Variants in ASRGL1 observed in about 807,000 individuals in gnomAD.
ASRGL1 encodes the protein isoaspartyl peptidase/L-asparaginase.
Under a neutral mutation model 22.4 loss-of-function variants are expected in ASRGL1, and 16 were observed. That is an observed-to-expected ratio of 0.71 (90% CI 0.48 to 1.08). The LOEUF is 1.08. ASRGL1 is among the 50% of genes least tolerant of loss of function. The pLI, the probability that ASRGL1 is intolerant of heterozygous loss-of-function variation, is 0.00. For synonymous variants in ASRGL1, 165 were observed against 159.3 expected (o/e 1.04, Z -0.27); for missense variants, 412 against 410.1 (o/e 1.00, Z -0.04).
At chr11:62,354,153 A>G (rs1249132466) in intron 2 of ASRGL1, among the ~76,000 whole-genome samples, 6 of 152,226 alleles carry the variant, frequency 3.9e-5, no homozygotes, top group Non-Finnish European at 7.3e-5. Flanking sequence ...GTTCTTACCC[A>G]TTTTACACAT....
chr11:62,369,879 C>T lies in ASRGL1; in HGVS notation c.491+12735C>T, dbSNP rs562289784. 2.0e-5 allele frequency among the ~76,000 whole-genome samples: 3 copies of T among 152,272 alleles called. No individual in the cohort carries two copies. In the South Asian group the frequency reaches 6.2e-4, roughly 32 times the overall value. On this transcript the variant is annotated intron_variant, in intron 4 of 6. Transcript: ENST00000415229. ...GTAACTGGAAACGATGTTCTAAGCT[C>T]ATGAGCCTATCTTCCATCCAAATGA...
chr11:62,373,566 G>C (rs1230242498), intron 4 of ASRGL1, among the ~76,000 whole-genome samples: 1 of 152,048 alleles, frequency 6.6e-6, no homozygotes, highest in East Asian at 1.9e-4. Context: ...AAGAGGAATC[G>C]CCATTTACTC....
At chr11:62,400,090 C>G in the ASRGL1 span, among the ~76,000 whole-genome samples, 1 of 152,192 alleles carries the variant, frequency 6.6e-6, no homozygotes, top group Non-Finnish European at 1.5e-5. Context: ...CTGCCTGGAT[C>G]CAGTCTAAAC....
Position 62,368,722 on chromosome 11 carries a change from T to C in ASRGL1, c.491+11578T>C, listed in dbSNP as rs550255481. On this transcript the variant is annotated intron_variant, in intron 4 of 6. Transcript: ENST00000415229. ...GGGATGTGGCAGGACAATAGGGTAA[T>C]AGTGGGGAGAGGGTCAGCAGGAAAA... 3.6e-4 allele frequency among the ~76,000 whole-genome samples: 55 copies of C among 152,034 alleles called. 1 individual carries two copies. Among genetic ancestry groups the C allele is most frequent in the Middle Eastern group, 6.8e-3 (2 of 294 alleles).
intron 4 of ASRGL1, among the ~76,000 whole-genome samples, chr11:62,376,203 C>T (rs1946927088): frequency 6.8e-6 from 1 of 148,132 alleles, no homozygotes; most frequent in South Asian, 2.1e-4. Flanking sequence ...GCTAACTGTG[C>T]CAGCTTCTTT....
In ASRGL1 at chr11:62,350,017, C is replaced by CA. The variant is rs573732084; in HGVS notation, c.191-6307dup. On this transcript the variant is annotated intron_variant, in intron 2 of 6. Coordinates refer to ENST00000415229, the MANE Select transcript of ASRGL1 (RefSeq NM_001083926.2). ...GCTTCTTTACTGTAACCTGTTTTAT[C>CA]AGCAAGGTCTTTACGACCTGTATCT... Among the ~76,000 whole-genome samples, 46 of 152,278 alleles carry CA rather than the reference C, an allele frequency of 3.0e-4. 1 individual carries two copies. Among genetic ancestry groups the CA allele is most frequent in the Admixed American group, 3.0e-3 (46 of 15,290 alleles).
downstream of ASRGL1, among the ~76,000 whole-genome samples, chr11:62,397,992 G>A (rs187732994): frequency 2.6e-5 from 4 of 152,054 alleles, no homozygotes; most frequent in Admixed American, 1.3e-4. Context: ...CCTCGGCGTC[G>A]CATCTTCTGC....
chr11:62,352,613 G>A (rs1442443927), intron 2 of ASRGL1, among the ~76,000 whole-genome samples: 1 of 152,086 alleles, frequency 6.6e-6, no homozygotes, highest in Non-Finnish European at 1.5e-5. Context: ...GCCTCAGAAT[G>A]AAACCTACCC....
At chr11:62,362,703 TATAAAATATATTATATGTTATATATAAA>T in intron 4 of ASRGL1, among the ~76,000 whole-genome samples, 1 of 81,102 alleles carries the variant, frequency 1.2e-5, no homozygotes, top group African/African-American at 4.9e-5. Context: ...TTATATATTA[TATAAAATATATTATATGTTATATATAAA>T]ATATAATATA....
At chr11:62,384,460 C>T (rs1435711309) in intron 4 of ASRGL1, among the ~76,000 whole-genome samples, 1 of 151,854 alleles carries the variant, frequency 6.6e-6, no homozygotes, top group Admixed American at 6.6e-5. Flanking sequence ...GCTGAGATGG[C>T]GCCACTGCAT....
intron 4 of ASRGL1, among the ~76,000 whole-genome samples, chr11:62,359,779 G>C (rs1371227651): frequency 1.3e-5 from 2 of 152,022 alleles, no homozygotes; most frequent in Admixed American, 1.3e-4. Context: ...GATGTTGACT[G>C]TTAGAATTAT....
chr11:62,379,970 C>T (rs1226518629), intron 4 of ASRGL1, among the ~76,000 whole-genome samples: 2 of 152,020 alleles, frequency 1.3e-5, no homozygotes, highest in African/African-American at 4.8e-5. Context: ...AGTCGGGTGG[C>T]TCTTTATCTG....
At chr11:62,367,512 C>T (rs1255087898) in intron 4 of ASRGL1, among the ~76,000 whole-genome samples, 5 of 150,640 alleles carry the variant, frequency 3.3e-5, no homozygotes, top group Admixed American at 1.3e-4. Flanking sequence ...GGCGTGGTGG[C>T]GCATGCCTGT....
chr11:62,370,690 C>CA lies in ASRGL1; in HGVS notation c.491+13547dup, dbSNP rs1946738258. The stretch of plus-strand genomic sequence containing the variant: ...AGTTTGTCCTGTGCAATTGTGGTAG[C>CA]ATTGACCTCAAGGTGCCCAATCTGT... On this transcript the variant is annotated intron_variant, in intron 4 of 6. Coordinates refer to ENST00000415229, the MANE Select transcript of ASRGL1 (RefSeq NM_001083926.2). Among the ~76,000 whole-genome samples, 3 of 152,140 alleles carry CA rather than the reference C, an allele frequency of 2.0e-5. No homozygotes were observed. The South Asian group carries it at 6.2e-4, about 31-fold the overall frequency.
intron 4 of ASRGL1, chr11:62,373,176 T>C: frequency 8.4e-7 from 1 of 1,194,252 alleles, no homozygotes; most frequent in Non-Finnish European, 1.3e-6. Flanking sequence ...AACCCTCTGA[T>C]GCTCCCAGAG....
At chr11:62,359,635 CAGT>C (rs1946386071) in intron 4 of ASRGL1, among the ~76,000 whole-genome samples, 1 of 152,140 alleles carries the variant, frequency 6.6e-6, no homozygotes, top group African/African-American at 2.4e-5. Flanking sequence ...AGCAGCCACT[CAGT>C]AGCCACATGG....
intron 4 of ASRGL1, among the ~76,000 whole-genome samples, chr11:62,362,785 C>A (rs1946507490): frequency 2.2e-5 from 2 of 91,348 alleles, no homozygotes. Flanking sequence ...AATTTTTTTT[C>A]TGGGAGTATC....
intron 4 of ASRGL1, among the ~76,000 whole-genome samples, chr11:62,378,851 G>T (rs962983332): frequency 6.6e-6 from 1 of 152,116 alleles, no homozygotes; most frequent in Non-Finnish European, 1.5e-5. Flanking sequence ...CAAGTTAATG[G>T]AATGGGTTTA....
At chr11:62,371,303 G>T (rs900042385) in intron 4 of ASRGL1, 1 of 1,383,160 alleles carries the variant, frequency 7.2e-7, no homozygotes, top group South Asian at 1.4e-5. Context: ...GACGAGGACG[G>T]CCTGGAGCTC....
Sources: gnomAD v4.1 joint callset for allele counts (sites outside exome capture counted in the v4.1 genomes callset) on GRCh38, gnomAD v4.1.1 for gene constraint, MANE v1.5 for transcripts, NCBI Gene and HGNC (gene_info 2026-07-23, HGNC 2026-07-21) for gene names.